The following FBXO15 variants were observed in gnomAD, a reference collection of about 807,000 sequenced individuals.
FBXO15 encodes the protein F-box only protein 15.
Under a neutral mutation model 49.5 loss-of-function variants are expected in FBXO15, and 30 were observed. The observed-to-expected ratio is 0.61, with a 90% CI of 0.45 to 0.82. The LOEUF is 0.82. Among genes scored for constraint, FBXO15 ranks in the 40% least tolerant of loss-of-function variants. FBXO15 has a pLI of 0.00. For missense variants in FBXO15, 591 were observed against 631.5 expected, an observed-to-expected ratio of 0.94 and a Z score of 0.69; for synonymous variants, 250 against 232.7, an observed-to-expected ratio of 1.07 and a Z score of -0.68.
At chr18:74,126,366 A>C (rs1361057735) in intron 5 of FBXO15, among the ~76,000 whole-genome samples, 1 of 152,232 alleles carries the variant, frequency 6.6e-6, no homozygotes, top group Non-Finnish European at 1.5e-5. Context: ...AAGTTGAAGG[A>C]CCAGGAAAGT....
At chr18:74,110,942 A>C (rs1913999121) in intron 8 of FBXO15, among the ~76,000 whole-genome samples, 2 of 152,220 alleles carry the variant, frequency 1.3e-5, no homozygotes, top group Non-Finnish European at 2.9e-5. Flanking sequence ...AAGAGAAATA[A>C]ACTAGTCCAC....
chr18:74,120,147 A>T (rs1266125226), intron 8 of FBXO15, among the ~76,000 whole-genome samples: 1 of 152,204 alleles, frequency 6.6e-6, no homozygotes, highest in Non-Finnish European at 1.5e-5. Context: ...ACTTAGTCAA[A>T]GGGATATCAT....
Position 74,147,743 on chromosome 18 carries a change from C to A in FBXO15, c.43G>T (p.Gly15Cys), listed in dbSNP as rs765101465. Residue 15 changes from glycine (G) to cysteine (C), a missense_variant, in exon 1 of 10, where the codon GGC becomes TGC. Coordinates refer to ENST00000419743, the MANE Select transcript of FBXO15 (RefSeq NM_001142958.2). ...CTGGGCCCGCGCAGCGTCTGGAGGC[C>A]GAGCCAGTGCTGCTGCAAGATCCGA... ...RGRILQQHWLGLQTLRGPSRG... is the reference protein window; with the variant it reads ...RGRILQQHWLCLQTLRGPSRG... 78 of 1,536,592 alleles carry A rather than the reference C, an allele frequency of 5.1e-5. No individual in the cohort carries two copies. In the African/African-American group the frequency reaches 9.6e-4, roughly 19 times the overall value.
intron 8 of FBXO15, among the ~76,000 whole-genome samples, chr18:74,119,104 C>A (rs371981592): frequency 2.0e-5 from 3 of 152,160 alleles, no homozygotes; most frequent in African/African-American, 7.2e-5. Context: ...AGGCTCAGGC[C>A]CTCGCTGTCG....
At position 74,129,436 on chromosome 18, in the gene FBXO15, T is replaced by C. The variant is rs776815994; in HGVS notation, c.754A>G (p.Thr252Ala). The C allele has an allele frequency of 2.5e-6, 4 of 1,613,868 alleles. No homozygotes were observed. Among genetic ancestry groups the C allele is most frequent in the Non-Finnish European group, 3.4e-6 (4 of 1,179,968 alleles). ...TTGGTGGGAGTTTTATACCAGTCGGTAAAAACTGGTGTCATGCCACATAAA... is the reference window on the plus strand; with the variant it reads ...TTGGTGGGAGTTTTATACCAGTCGGCAAAAACTGGTGTCATGCCACATAAA... Reference protein sequence around the residue: ...LDLCGMTPVFTDWYKTPTKHR... With the variant: ...LDLCGMTPVFADWYKTPTKHR... The change falls in exon 5 of 10, where the codon ACC becomes GCC. Residue 252 changes from threonine (T) to alanine (A), a missense_variant. By Grantham distance (58) the Thr-to-Ala change is moderately conservative. Transcript: ENST00000419743.
chr18:74,086,297 A>C (rs924891541), intron 8 of FBXO15, among the ~76,000 whole-genome samples: 5 of 152,238 alleles, frequency 3.3e-5, no homozygotes, highest in Non-Finnish European at 5.9e-5. Flanking sequence ...GAATTTCATA[A>C]GGAGATCACC....
intron 1 of FBXO15, among the ~76,000 whole-genome samples, chr18:74,145,725 G>A (rs893943239): frequency 6.6e-6 from 1 of 151,028 alleles, no homozygotes; most frequent in African/African-American, 2.4e-5. Flanking sequence ...AGCCTCCTGA[G>A]TACCTGAGCC....
intron 8 of FBXO15, 141 bp from the exon 9 acceptor site, chr18:74,082,192 TC>T: frequency 1.5e-6 from 1 of 666,672 alleles, no homozygotes; most frequent in Non-Finnish European, 2.3e-6. Flanking sequence ...GGCACAGCAA[TC>T]CCAGCCTCTG....
At position 74,147,735 on chromosome 18, in the gene FBXO15, C is replaced by T. The variant is rs1292655227; in HGVS notation, c.51G>A (p.Gln17=). 6.5e-7 allele frequency: 1 copy of T among 1,536,988 alleles called. No homozygotes were observed. ...RILQQHWLGL[Q]TLRGPSRGGG... is the part of the protein sequence containing the mutation. Reference sequence around the variant, plus strand: ...CGCCCCTGCTGGGCCCGCGCAGCGTCTGGAGGCCGAGCCAGTGCTGCTGCA... The same window carrying T: ...CGCCCCTGCTGGGCCCGCGCAGCGTTTGGAGGCCGAGCCAGTGCTGCTGCA... The change falls in exon 1 of 10, where the codon CAG becomes CAA. Residue 17 remains glutamine, a synonymous_variant. Coordinates refer to ENST00000419743, the MANE Select transcript of FBXO15 (RefSeq NM_001142958.2).
In FBXO15 at chr18:74,147,726, G is replaced by A. The variant is rs1433818748; in HGVS notation, c.60C>T (p.Arg20=). 16 of 1,534,102 alleles carry A rather than the reference G, an allele frequency of 1.0e-5. No homozygotes were observed. Among genetic ancestry groups the A allele is most frequent in the East Asian group, 2.5e-5 (1 of 39,776 alleles). ...CCGCGCCACCGCCCCTGCTGGGCCCGCGCAGCGTCTGGAGGCCGAGCCAGT... is the reference window on the plus strand; with the variant it reads ...CCGCGCCACCGCCCCTGCTGGGCCCACGCAGCGTCTGGAGGCCGAGCCAGT... ...QQHWLGLQTL[R]GPSRGGGAAR... Residue 20 remains arginine (R), a synonymous_variant, in exon 1 of 10, where the codon CGC becomes CGT. Coordinates refer to ENST00000419743, the MANE Select transcript of FBXO15 (RefSeq NM_001142958.2).
intron 2 of FBXO15, among the ~76,000 whole-genome samples, chr18:74,139,315 A>G (rs1978918916): frequency 6.6e-6 from 1 of 152,258 alleles, no homozygotes; most frequent in South Asian, 2.1e-4. Context: ...CACCAAGAAC[A>G]GTATCTGCTA....
intron 8 of FBXO15, among the ~76,000 whole-genome samples, chr18:74,114,559 C>A (rs1267304567): frequency 2.6e-5 from 4 of 152,202 alleles, no homozygotes; most frequent in Non-Finnish European, 5.9e-5. Flanking sequence ...GGCACTGTTA[C>A]AAGTTCACCT....
intron 8 of FBXO15, among the ~76,000 whole-genome samples, chr18:74,118,824 G>C (rs757771447): frequency 6.6e-6 from 1 of 152,092 alleles, no homozygotes; most frequent in Non-Finnish European, 1.5e-5. Context: ...ACCTACCCTA[G>C]GTACAAAAGT....
chr18:74,136,923 C>A (rs1978761454), intron 2 of FBXO15, among the ~76,000 whole-genome samples: 1 of 152,108 alleles, frequency 6.6e-6, no homozygotes, highest in African/African-American at 2.4e-5. Context: ...CCCATACTGT[C>A]TACTTGTGAT....
rs894720547 is a variant in FBXO15, at chr18:74,082,106, C to T, written c.1139-55G>A. 12 of 1,584,758 alleles carry T rather than the reference C, an allele frequency of 7.6e-6. No individual in the cohort carries two copies. The African/African-American group carries it at 1.5e-4, about 20-fold the overall frequency. ...TGTCTTCCAGTGCAAGATGACAAACCAAGCACGTTCAGTCGGCGACTTTAT... is the reference window on the plus strand; with the variant it reads ...TGTCTTCCAGTGCAAGATGACAAACTAAGCACGTTCAGTCGGCGACTTTAT... On this transcript the variant is annotated intron_variant, in intron 8 of 9. Coordinates refer to ENST00000419743, the MANE Select transcript of FBXO15 (RefSeq NM_001142958.2).
chr18:74,082,593 G>A (rs1568155941), intron 8 of FBXO15, among the ~76,000 whole-genome samples: 2 of 152,182 alleles, frequency 1.3e-5, no homozygotes, highest in Non-Finnish European at 2.9e-5. Flanking sequence ...GCCCTCTGCT[G>A]CCAGCTCCAA....
intron 4 of FBXO15, among the ~76,000 whole-genome samples, chr18:74,130,148 A>C (rs1433450582): frequency 6.6e-6 from 1 of 152,200 alleles, no homozygotes; most frequent in Non-Finnish European, 1.5e-5. Flanking sequence ...TGTTGTTATT[A>C]TGTATAATGT....
intron 8 of FBXO15, among the ~76,000 whole-genome samples, chr18:74,105,458 G>A (rs1913711565): frequency 6.6e-6 from 1 of 150,824 alleles, no homozygotes; most frequent in African/African-American, 2.4e-5. Flanking sequence ...GTTTTTTTTT[G>A]AGATGGAGTC....
chr18:74,142,832 T>C (rs756392891), intron 1 of FBXO15, among the ~76,000 whole-genome samples: 4 of 152,222 alleles, frequency 2.6e-5, no homozygotes, highest in Non-Finnish European at 4.4e-5. Context: ...TTACTGTCAA[T>C]AGTCAACACA....
Sources: gnomAD v4.1 joint callset for allele counts (sites outside exome capture counted in the v4.1 genomes callset) on GRCh38, gnomAD v4.1.1 for gene constraint, MANE v1.5 for transcripts, NCBI Gene and HGNC (gene_info 2026-07-23, HGNC 2026-07-21) for gene names.